Variants in PARD3 observed in about 807,000 individuals in gnomAD.
PARD3 encodes the protein partitioning defective 3 homolog.
A neutral mutation model predicts 155.4 loss-of-function variants in PARD3; 75 were observed. That is an observed-to-expected ratio of 0.48 (90% CI 0.40 to 0.58). The LOEUF (loss-of-function observed/expected upper bound fraction) is 0.58. PARD3 is among the 20% of genes least tolerant of loss of function. The pLI is 0.00. For synonymous variants in PARD3, 576 were observed against 610.5 expected, an observed-to-expected ratio of 0.94 and a Z score of 0.83; for missense variants, 1,642 against 1,721.7, an observed-to-expected ratio of 0.95 and a Z score of 0.82.
intron 2 of PARD3, among the ~76,000 whole-genome samples, chr10:34,541,711 A>G (rs926230667): frequency 6.6e-6 from 1 of 152,304 alleles, no homozygotes; most frequent in Non-Finnish European, 1.5e-5. Flanking sequence ...GGAAAACAAC[A>G]TTTATTTAAC....
At chr10:34,375,868 T>A (rs1424103191) in intron 10 of PARD3, among the ~76,000 whole-genome samples, 1 of 152,172 alleles carries the variant, frequency 6.6e-6, no homozygotes, top group East Asian at 1.9e-4. Flanking sequence ...CTCATATACC[T>A]CAAGGTACTA....
At chr10:34,302,308 T>A (rs1282706905) in intron 20 of PARD3, among the ~76,000 whole-genome samples, 2 of 152,212 alleles carry the variant, frequency 1.3e-5, no homozygotes, top group Non-Finnish European at 2.9e-5. Context: ...CAGCAGCAGC[T>A]AATACCCACA....
At chr10:34,797,034 G>A (rs1842338648) in intron 1 of PARD3, among the ~76,000 whole-genome samples, 1 of 152,130 alleles carries the variant, frequency 6.6e-6, no homozygotes, top group Non-Finnish European at 1.5e-5. Context: ...CATAAAAATT[G>A]TCAGACCCAT....
At chr10:34,585,131 C>T (rs2087887384) in intron 2 of PARD3, among the ~76,000 whole-genome samples, 1 of 152,140 alleles carries the variant, frequency 6.6e-6, no homozygotes, top group Non-Finnish European at 1.5e-5. Flanking sequence ...TTCTCTTCAA[C>T]TTGATATGTT....
chr10:34,719,830 A>G (rs558293843), intron 1 of PARD3, among the ~76,000 whole-genome samples: 1 of 152,224 alleles, frequency 6.6e-6, no homozygotes, highest in African/African-American at 2.4e-5. Flanking sequence ...GCACCTCCTC[A>G]TATGTGAAAT....
At chr10:34,201,178 G>C (rs866811108) in intron 22 of PARD3, among the ~76,000 whole-genome samples, 1 of 152,120 alleles carries the variant, frequency 6.6e-6, no homozygotes, top group Non-Finnish European at 1.5e-5. Context: ...CTCATCTGTC[G>C]AAGAAAGATG....
At chr10:34,706,506 G>C (rs1458318301) in intron 1 of PARD3, among the ~76,000 whole-genome samples, 2 of 152,168 alleles carry the variant, frequency 1.3e-5, no homozygotes, top group African/African-American at 4.8e-5. Context: ...CAGCACTCTG[G>C]GAGGCCATGG....
intron 1 of PARD3, among the ~76,000 whole-genome samples, chr10:34,783,406 C>T (rs1588725235): frequency 6.6e-6 from 1 of 151,600 alleles, no homozygotes; most frequent in Non-Finnish European, 1.5e-5. Context: ...AGATCGAGAC[C>T]ATCCTGGCTA....
chr10:34,739,755 T>C (rs1256916720), intron 1 of PARD3, among the ~76,000 whole-genome samples: 2 of 152,210 alleles, frequency 1.3e-5, no homozygotes, highest in Non-Finnish European at 2.9e-5. Context: ...CAGTATGATA[T>C]TCAATAAAGT....
At chr10:34,203,436 C>T (rs561461757) in intron 22 of PARD3, among the ~76,000 whole-genome samples, 58 of 152,248 alleles carry the variant, frequency 3.8e-4, no homozygotes, top group African/African-American at 1.2e-3. Flanking sequence ...TTGGTATCTA[C>T]GGGGAATCGG....
At chr10:34,514,470 G>A (rs988036276) in intron 3 of PARD3, among the ~76,000 whole-genome samples, 8 of 152,040 alleles carry the variant, frequency 5.3e-5, no homozygotes, top group Non-Finnish European at 1.0e-4. Context: ...TCATTAATGC[G>A]GTGGCAAAAA....
chr10:34,612,600 T>C (rs1379382338), intron 2 of PARD3, among the ~76,000 whole-genome samples: 2 of 152,244 alleles, frequency 1.3e-5, no homozygotes, highest in East Asian at 3.8e-4. Flanking sequence ...GGCAAAGCCA[T>C]GTGAACCTTG....
chr10:34,622,540 G>A (rs1349388767), intron 2 of PARD3, among the ~76,000 whole-genome samples: 2 of 152,144 alleles, frequency 1.3e-5, no homozygotes, highest in Admixed American at 1.3e-4. Context: ...GATGGTTGGG[G>A]GAGAAAGTCA....
chr10:34,341,491 A>G (rs1836827421), intron 16 of PARD3, 136 bp downstream of exon 16: 2 of 570,156 alleles, frequency 3.5e-6, no homozygotes, highest in African/African-American at 3.8e-5. Flanking sequence ...CTTTTATTAT[A>G]AGAGTGATAA....
intron 2 of PARD3, among the ~76,000 whole-genome samples, chr10:34,667,983 T>C (rs1452218706): frequency 6.6e-6 from 1 of 152,190 alleles, no homozygotes; most frequent in South Asian, 2.1e-4. Flanking sequence ...AGTACACTAA[T>C]GGTGCATGTC....
At chr10:34,437,971 T>C (rs2132620509) in intron 5 of PARD3, among the ~76,000 whole-genome samples, 1 of 152,310 alleles carries the variant, frequency 6.6e-6, no homozygotes, top group Middle Eastern at 3.4e-3. Flanking sequence ...TTTTTGGCTT[T>C]TCCTTTTGTC....
chr10:34,388,186 A>T (rs532915160), intron 7 of PARD3, among the ~76,000 whole-genome samples: 2 of 152,338 alleles, frequency 1.3e-5, no homozygotes, highest in East Asian at 1.9e-4. Context: ...GACTGAATTA[A>T]GGTGAAGTTA....
intron 2 of PARD3, among the ~76,000 whole-genome samples, chr10:34,641,689 T>C (rs542943508): frequency 1.3e-5 from 2 of 152,256 alleles, no homozygotes; most frequent in South Asian, 4.2e-4. Context: ...GCACCACGCA[T>C]GGCTGGGTGA....
chr10:34,781,468 G>A (rs1840226999), intron 1 of PARD3, among the ~76,000 whole-genome samples: 1 of 152,186 alleles, frequency 6.6e-6, no homozygotes, highest in South Asian at 2.1e-4. Context: ...TCACAGATGA[G>A]GCTTGGTTTA....
Sources: gnomAD v4.1 joint callset for allele counts (sites outside exome capture counted in the v4.1 genomes callset) on GRCh38, gnomAD v4.1.1 for gene constraint, MANE v1.5 for transcripts, NCBI Gene and HGNC (gene_info 2026-07-23, HGNC 2026-07-21) for gene names.